TMEM178B: variants seen among roughly 807,000 people sequenced by gnomAD.
TMEM178B encodes transmembrane protein 178B.
A neutral mutation model predicts 31.0 loss-of-function variants in TMEM178B; 5 were observed. The observed-to-expected ratio is 0.16, with a 90% CI of 0.08 to 0.34. The LOEUF is 0.34. Ranked by LOEUF, TMEM178B falls within the 10% of genes least tolerant of loss-of-function variation. TMEM178B has a pLI of 1.00. For synonymous variants in TMEM178B, 164 were observed against 164.0 expected (o/e 1.00, Z 0.00); for missense variants, 275 against 400.3 (o/e 0.69, Z 2.67).
At chr7:141,236,935 T>G (rs1797537376) in intron 2 of TMEM178B, among the ~76,000 whole-genome samples, 1 of 152,158 alleles carries the variant, frequency 6.6e-6, no homozygotes, top group African/African-American at 2.4e-5. Context: ...CCAAATATGG[T>G]AAGAGGGCAT....
intron 2 of TMEM178B, among the ~76,000 whole-genome samples, chr7:141,292,148 G>A (rs1242575160): frequency 6.6e-6 from 1 of 152,098 alleles, no homozygotes; most frequent in Non-Finnish European, 1.5e-5. Flanking sequence ...CCTTCCACCT[G>A]TGTGAAAATT....
At chr7:141,383,041 C>T (rs931157023) in intron 2 of TMEM178B, among the ~76,000 whole-genome samples, 4 of 152,186 alleles carry the variant, frequency 2.6e-5, no homozygotes, top group African/African-American at 9.7e-5. Flanking sequence ...CAAGTTGTGG[C>T]AAAGCTTTGG....
intron 2 of TMEM178B, among the ~76,000 whole-genome samples, chr7:141,246,247 T>G (rs1243064708): frequency 1.3e-5 from 2 of 152,208 alleles, no homozygotes; most frequent in African/African-American, 4.8e-5. Flanking sequence ...TTAGTTCACA[T>G]AAAAATGTAT....
intron 1 of TMEM178B, among the ~76,000 whole-genome samples, chr7:141,153,587 G>C (rs1056395993): frequency 1.3e-5 from 2 of 152,168 alleles, no homozygotes; most frequent in Non-Finnish European, 2.9e-5. Context: ...CACTAGCAGA[G>C]TATGATAATA....
intron 2 of TMEM178B, among the ~76,000 whole-genome samples, chr7:141,306,714 C>G (rs1798822109): frequency 6.6e-6 from 1 of 150,768 alleles, no homozygotes; most frequent in South Asian, 2.1e-4. Context: ...TTGCTGTATT[C>G]TGTTCTCTTT....
chr7:141,401,971 C>G (rs1164391288), intron 2 of TMEM178B, among the ~76,000 whole-genome samples: 2 of 152,184 alleles, frequency 1.3e-5, no homozygotes, highest in African/African-American at 4.8e-5. Flanking sequence ...GCTGCATCTC[C>G]AAATCCTGCA....
intron 2 of TMEM178B, among the ~76,000 whole-genome samples, chr7:141,424,277 T>G (rs935719360): frequency 6.6e-6 from 1 of 152,184 alleles, no homozygotes; most frequent in Non-Finnish European, 1.5e-5. Context: ...CCTGACACTT[T>G]AGAGCCCCAT....
intron 2 of TMEM178B, among the ~76,000 whole-genome samples, chr7:141,299,715 G>T (rs1351755121): frequency 6.6e-6 from 1 of 152,158 alleles, no homozygotes; most frequent in Non-Finnish European, 1.5e-5. Context: ...CTTCTTCCTA[G>T]CCACATACTT....
chr7:141,249,657 C>CT lies in TMEM178B; in HGVS notation c.496+36954dup, dbSNP rs1797798092. Reference sequence around the variant, plus strand: ...ACATGGGACCCAGTGAGAAAAGGGGCTCATGTGCCTGGCCAAGGGTGGAGT... The same window carrying CT: ...ACATGGGACCCAGTGAGAAAAGGGGCTTCATGTGCCTGGCCAAGGGTGGAGT... On this transcript the variant is annotated intron_variant, in intron 2 of 3. Transcript: ENST00000565468. 1.3e-4 allele frequency among the ~76,000 whole-genome samples: 5 copies of CT among 37,192 alleles called. No individual in the cohort carries two copies. In the South Asian group the frequency reaches 4.7e-3, roughly 35 times the overall value. 24.4% of individuals were successfully genotyped at this position (37,192 alleles called of 152,430 possible).
At chr7:141,179,868 C>T (rs919433693) in intron 1 of TMEM178B, among the ~76,000 whole-genome samples, 2 of 152,210 alleles carry the variant, frequency 1.3e-5, no homozygotes, top group African/African-American at 2.4e-5. Flanking sequence ...ACTCTCCCTT[C>T]TGTAGCCTTC....
At chr7:141,099,832 C>CTT (rs11372173) in intron 1 of TMEM178B, among the ~76,000 whole-genome samples, 4,225 of 141,766 alleles carry the variant, frequency 0.03, 187 homozygotes, top group African/African-American at 0.089. Context: ...AACGGTGTCT[C>CTT]TTTTTTTTTT....
rs150802766 is a variant in TMEM178B at position 141,397,550 on chromosome 7, G to C, written c.497-40058G>C. ...TTCTGATAGGCATCATGCTATGAAT[G>C]GCAGACAGGTTCTCCAGCCAGTGAG... On this transcript the variant is annotated intron_variant, in intron 2 of 3. Coordinates refer to ENST00000565468, the MANE Select transcript of TMEM178B (RefSeq NM_001195278.2). 2.6e-3 allele frequency among the ~76,000 whole-genome samples: 394 copies of C among 152,282 alleles called. 1 individual carries two copies. Among genetic ancestry groups the C allele is most frequent in the African/African-American group, 6.8e-3 (283 of 41,560 alleles).
intron 2 of TMEM178B, among the ~76,000 whole-genome samples, chr7:141,345,879 C>T (rs2116519516): frequency 6.6e-6 from 1 of 152,268 alleles, no homozygotes; most frequent in South Asian, 2.1e-4. Flanking sequence ...GTCACCAGTT[C>T]TTATCTTCCA....
chr7:141,106,292 C>CT (rs1778704020), intron 1 of TMEM178B, among the ~76,000 whole-genome samples: 2 of 152,068 alleles, frequency 1.3e-5, no homozygotes, highest in Admixed American at 1.3e-4. Context: ...ACATGGCACT[C>CT]TTTTTCTAGC....
intron 2 of TMEM178B, among the ~76,000 whole-genome samples, chr7:141,339,938 C>T (rs948649411): frequency 2.6e-5 from 4 of 152,122 alleles, no homozygotes; most frequent in Admixed American, 6.5e-5. Context: ...TGGAGTAAAA[C>T]CAGGATCAAA....
At chr7:141,172,551 C>G (rs1470682895) in intron 1 of TMEM178B, among the ~76,000 whole-genome samples, 2 of 152,202 alleles carry the variant, frequency 1.3e-5, no homozygotes, top group African/African-American at 2.4e-5. Context: ...GGTGCTGTGT[C>G]TAGCATCTAC....
chr7:141,410,032 T>C (rs538284418), intron 2 of TMEM178B, among the ~76,000 whole-genome samples: 1 of 152,356 alleles, frequency 6.6e-6, no homozygotes, highest in Admixed American at 6.5e-5. Flanking sequence ...ATGGGCCGCC[T>C]GTCTCCTCCA....
intron 1 of TMEM178B, among the ~76,000 whole-genome samples, chr7:141,108,547 TG>T (rs1795182513): frequency 6.6e-6 from 1 of 152,144 alleles, no homozygotes; most frequent in South Asian, 2.1e-4. Context: ...TATTGAAGGA[TG>T]CAAGATCATC....
At chr7:141,347,949 A>T (rs769318804) in intron 2 of TMEM178B, among the ~76,000 whole-genome samples, 4 of 152,240 alleles carry the variant, frequency 2.6e-5, no homozygotes, top group Non-Finnish European at 5.9e-5. Context: ...AGCCTCTGTC[A>T]TAGAACCTTT....
Sources: gnomAD v4.1 joint callset for allele counts (sites outside exome capture counted in the v4.1 genomes callset) on GRCh38, gnomAD v4.1.1 for gene constraint, MANE v1.5 for transcripts, NCBI Gene and HGNC (gene_info 2026-07-23, HGNC 2026-07-21) for gene names.